IL1RAPL2: variants seen among roughly 807,000 people sequenced by gnomAD.
The protein encoded by IL1RAPL2 is interleukin 1 receptor accessory protein like 2, also known as X-linked interleukin-1 receptor accessory protein-like 2.
Under a neutral mutation model 44.1 loss-of-function variants are expected in IL1RAPL2, and 3 were observed. The ratio of observed to expected loss-of-function variants is 0.07; its 90% confidence interval spans 0.03 to 0.18. The LOEUF is 0.18. IL1RAPL2 is among the 10% of genes least tolerant of loss of function. The pLI is 1.00. For synonymous variants in IL1RAPL2, 181 were observed against 178.8 expected (o/e 1.01, Z -0.10); for missense variants, 391 against 496.4 (o/e 0.79, Z 2.02).
At chrX:104,626,017 T>A (rs951924504) in intron 1 of IL1RAPL2, among the ~76,000 whole-genome samples, 1 of 111,375 alleles carries the variant, frequency 9.0e-6, no homozygotes, top group African/African-American at 3.3e-5. Flanking sequence ...TAGATGATGA[T>A]AATAACTAGC....
intron 2 of IL1RAPL2, among the ~76,000 whole-genome samples, chrX:104,855,720 C>G (rs1699862101): frequency 1.5e-5 from 1 of 64,564 alleles, no homozygotes; most frequent in African/African-American, 5.0e-5. Flanking sequence ...CTCTGTTGCC[C>G]AGGCTAGAGT....
chrX:105,434,072 A>G (rs1330004575), intron 5 of IL1RAPL2, among the ~76,000 whole-genome samples: 1 of 112,033 alleles, frequency 8.9e-6, no homozygotes. Flanking sequence ...AATAGATTGA[A>G]CAGATAGTTG....
chrX:104,667,084 T>C (rs187981471), intron 2 of IL1RAPL2, among the ~76,000 whole-genome samples: 1 of 110,890 alleles, frequency 9.0e-6, no homozygotes, highest in Non-Finnish European at 1.9e-5. Flanking sequence ...TCTCTGTGGG[T>C]GTGAGTTATG....
At chrX:104,882,275 G>T (rs989821938) in intron 2 of IL1RAPL2, among the ~76,000 whole-genome samples, 1 of 112,400 alleles carries the variant, frequency 8.9e-6, no homozygotes, top group African/African-American at 3.2e-5. Context: ...AGGGGCATAA[G>T]TTGGTGTGGG....
intron 5 of IL1RAPL2, among the ~76,000 whole-genome samples, chrX:105,278,539 A>T (rs2034503500): frequency 9.0e-6 from 1 of 111,612 alleles, no homozygotes. Context: ...AGGAATGAAA[A>T]CTAGGAGCTT....
At chrX:105,030,169 C>T (rs922261627) in intron 2 of IL1RAPL2, among the ~76,000 whole-genome samples, 4 of 111,301 alleles carry the variant, frequency 3.6e-5, no homozygotes, top group East Asian at 2.8e-4. Flanking sequence ...GAGTAGGTTG[C>T]GAAAATTTTC....
At chrX:105,554,255 G>C (rs113391604) in intron 6 of IL1RAPL2, among the ~76,000 whole-genome samples, 1 of 112,702 alleles carries the variant, frequency 8.9e-6, no homozygotes, top group East Asian at 2.8e-4. Flanking sequence ...AAGGATTCTA[G>C]AAATACAATG....
Position 105,767,016 on chromosome X carries a change from C to T in IL1RAPL2, c.1416C>T (p.Ile472=), listed in dbSNP as rs779215883. Residue 472 remains isoleucine (I), a synonymous_variant, in exon 11 of 11, where the codon ATC becomes ATT. Coordinates refer to ENST00000372582, the MANE Select transcript of IL1RAPL2 (RefSeq NM_017416.2). ...RYVEQSRRLI[I]VLTPDYILRR... is the part of the protein sequence containing the mutation. ...TTGAACAAAGCAGAAGACTTATTAT[C>T]GTGCTAACTCCAGACTATATTCTCA... is the stretch of plus-strand genomic sequence containing the variant. 17 of 1,206,183 alleles carry T rather than the reference C, an allele frequency of 1.4e-5. No homozygotes were observed. Among genetic ancestry groups the T allele is most frequent in the African/African-American group, 7.0e-5 (4 of 56,974 alleles).
intron 8 of IL1RAPL2, among the ~76,000 whole-genome samples, chrX:105,748,286 G>A (rs922660806): frequency 3.6e-5 from 4 of 112,204 alleles, no homozygotes; most frequent in African/African-American, 9.7e-5. Flanking sequence ...CAGGTAGGCT[G>A]GTGTTGGCTG....
chrX:105,693,544 T>G lies in IL1RAPL2; in HGVS notation c.773-23823T>G, dbSNP rs142082449. On this transcript the variant is annotated intron_variant, in intron 6 of 10. Coordinates refer to ENST00000372582, the MANE Select transcript of IL1RAPL2 (RefSeq NM_017416.2). The stretch of plus-strand genomic sequence containing the variant: ...TGAGGCCCACATCAGAAGCAGATGC[T>G]GGTCCATGCTTGTACAGTTGGCAGA... Among the ~76,000 whole-genome samples the G allele has an allele frequency of 5.6e-3, 631 of 112,236 alleles. 4 individuals carry two copies. The highest frequency in any genetic ancestry group is 0.019 in the African/African-American group (577 of 30,889).
chrX:105,216,225 CA>C (rs1344776771), intron 3 of IL1RAPL2, among the ~76,000 whole-genome samples: 1 of 110,955 alleles, frequency 9.0e-6, no homozygotes, highest in Non-Finnish European at 1.9e-5. Flanking sequence ...CGTCTCAGCC[CA>C]AAAACCCCTT....
intron 2 of IL1RAPL2, among the ~76,000 whole-genome samples, chrX:104,816,648 A>G (rs1305122336): frequency 8.9e-6 from 1 of 112,506 alleles, no homozygotes; most frequent in African/African-American, 3.2e-5. Context: ...GGAAAAATGT[A>G]TGATAGGCAG....
intron 5 of IL1RAPL2, among the ~76,000 whole-genome samples, chrX:105,342,369 G>T (rs1292626078): frequency 3.6e-5 from 4 of 112,302 alleles, no homozygotes; most frequent in Non-Finnish European, 7.5e-5. Context: ...ACATAATTTA[G>T]TAATTTCATA....
rs1400880944 is a variant in IL1RAPL2, at chrX:104,585,336, T to TTATATATTA, written c.-20+18319_-20+18327dup. Reference sequence around the variant, plus strand: ...TAATATATATTATATATAATATATATTATATATTATATATATTATATATAT... The same window carrying TTATATATTA: ...TAATATATATTATATATAATATATATTATATATTATATATATTATATATATTATATATAT... On this transcript the variant is annotated intron_variant, in intron 1 of 10. Coordinates refer to ENST00000372582, the MANE Select transcript of IL1RAPL2 (RefSeq NM_017416.2). 5.1e-4 allele frequency among the ~76,000 whole-genome samples: 9 copies of TTATATATTA among 17,645 alleles called. No individual in the cohort carries two copies. In the South Asian group the frequency reaches 5.2e-3, roughly 10 times the overall value. The allele number at this position is 17,645 out of a possible 115,157, so 15.3% of individuals were successfully genotyped here.
intron 6 of IL1RAPL2, among the ~76,000 whole-genome samples, chrX:105,657,551 T>C (rs2147845663): frequency 8.9e-6 from 1 of 112,318 alleles, no homozygotes; most frequent in African/African-American, 3.2e-5. Context: ...ACTTTGCTTC[T>C]ATCTCCCACT....
At chrX:105,626,918 T>TC (rs771974737) in intron 6 of IL1RAPL2, among the ~76,000 whole-genome samples, 1 of 111,266 alleles carries the variant, frequency 9.0e-6, no homozygotes, top group South Asian at 3.8e-4. Flanking sequence ...AGATTCTTGC[T>TC]CCCCCCTCAG....
chrX:105,484,169 C>A, intron 5 of IL1RAPL2, 144 bp from the exon 6 acceptor site: 1 of 476,638 alleles, frequency 2.1e-6, no homozygotes, highest in South Asian at 3.2e-5. Context: ...AGAGTAACAA[C>A]CCAAGTAGGA....
chrX:104,763,518 C>A (rs924423884), intron 2 of IL1RAPL2, among the ~76,000 whole-genome samples: 1 of 111,747 alleles, frequency 8.9e-6, no homozygotes, highest in Non-Finnish European at 1.9e-5. Context: ...ACAGCAGCAC[C>A]CCACTCTCTG....
intron 6 of IL1RAPL2, among the ~76,000 whole-genome samples, chrX:105,500,344 G>GAA (rs750793639): frequency 6.8e-5 from 7 of 102,820 alleles, no homozygotes; most frequent in African/African-American, 2.4e-4. Context: ...TTACTACAAT[G>GAA]AAAAAAAAAA....
Sources: allele counts gnomAD v4.1 joint callset (sites outside exome capture counted in the v4.1 genomes callset), GRCh38; gene constraint gnomAD v4.1.1; transcripts MANE v1.5; gene names NCBI Gene and HGNC (gene_info 2026-07-23, HGNC 2026-07-21).